Variants in SCD observed in about 807,000 individuals in gnomAD.
SCD encodes the protein stearoyl-CoA desaturase, also known as acyl-CoA desaturase.
SCD carries 4 observed loss-of-function variants against 35.7 expected under a neutral mutation model. That is an observed-to-expected ratio of 0.11 (90% confidence interval 0.06 to 0.26). The LOEUF (loss-of-function observed/expected upper bound fraction) is 0.26. Ranked by LOEUF, SCD falls within the 10% of genes least tolerant of loss-of-function variation. SCD has a pLI of 1.00. For missense variants in SCD, 282 were observed against 460.7 expected (o/e 0.61, Z 3.55); for synonymous variants, 150 against 170.2 (o/e 0.88, Z 0.92).
In SCD at chr10:100,361,998, G is replaced by A. The variant is rs1161599221; in HGVS notation, c.*1065G>A. The A allele has an allele frequency of 1.3e-5, 2 of 152,066 alleles. No individual in the cohort carries two copies. Among genetic ancestry groups the A allele is most frequent in the Non-Finnish European group, 2.9e-5 (2 of 68,024 alleles). The allele number at this position is 152,066 out of a possible 1,614,324, so 9.4% of individuals were successfully genotyped here. A position where few individuals can be genotyped will look rare whatever the true frequency, so the allele number is the denominator to read the frequency against. Reference sequence around the variant, plus strand: ...GGAAGGATTTAAGGAGGTGAAGTCGGGTCAAAAATAAAATATATATACATA... The same window carrying A: ...GGAAGGATTTAAGGAGGTGAAGTCGAGTCAAAAATAAAATATATATACATA... On this transcript the variant is annotated 3_prime_UTR_variant, in exon 6 of 6. Coordinates refer to ENST00000370355, the MANE Select transcript of SCD (RefSeq NM_005063.5).
chr10:100,358,295 C>A (rs970960596), intron 5 of SCD, among the ~76,000 whole-genome samples: 2 of 152,096 alleles, frequency 1.3e-5, no homozygotes, highest in African/African-American at 4.8e-5. Flanking sequence ...TGAGCCACTG[C>A]GCCTGGCCTA....
At position 100,363,292 on chromosome 10, in the gene SCD, G is replaced by A. The variant is rs1258421865; in HGVS notation, c.*2359G>A. ...CTGTAGCTCAGTCATCAAAGCAGAAGTCTGGCTTTGCTCTATTAAGATTGG... is the reference window on the plus strand; with the variant it reads ...CTGTAGCTCAGTCATCAAAGCAGAAATCTGGCTTTGCTCTATTAAGATTGG... On this transcript the variant is annotated 3_prime_UTR_variant, in exon 6 of 6. Transcript: ENST00000370355. The A allele has an allele frequency of 6.6e-6, 1 of 152,306 alleles. No individual in the cohort carries two copies. Among genetic ancestry groups the A allele is most frequent in the African/African-American group, 2.4e-5 (1 of 41,460 alleles). The allele number at this position is 152,306 out of a possible 1,614,324, so 9.4% of individuals were successfully genotyped here.
chr10:100,351,044 A>G (rs1210707804), intron 2 of SCD, among the ~76,000 whole-genome samples: 1 of 152,172 alleles, frequency 6.6e-6, no homozygotes, highest in Non-Finnish European at 1.5e-5. Flanking sequence ...AACACAGGAC[A>G]ATTTGTTACA....
chr10:100,351,934 A>G (rs1338089438), intron 2 of SCD, among the ~76,000 whole-genome samples: 1 of 152,056 alleles, frequency 6.6e-6, no homozygotes, highest in Non-Finnish European at 1.5e-5. Context: ...GGTTCATACT[A>G]CACCTGGCCC....
intron 5 of SCD, among the ~76,000 whole-genome samples, chr10:100,357,618 TC>T (rs1432432379): frequency 1.3e-4 from 20 of 152,154 alleles, no homozygotes; most frequent in African/African-American, 4.8e-4. Flanking sequence ...GTTGATCTTA[TC>T]TTTTCTCTTT....
chr10:100,351,038 C>G (rs1849866426), intron 2 of SCD, among the ~76,000 whole-genome samples: 1 of 152,166 alleles, frequency 6.6e-6, no homozygotes, highest in African/African-American at 2.4e-5. Context: ...CAAAAGAACA[C>G]AGGACAATTT....
intron 1 of SCD, 56 bp downstream of exon 1, chr10:100,347,587 CA>C: frequency 1.2e-6 from 2 of 1,607,608 alleles, no homozygotes; most frequent in Non-Finnish European, 1.7e-6. Flanking sequence ...GCTGGGCTTC[CA>C]GGGGACGGGT....
rs367819749 is a variant in SCD at position 100,360,703 on chromosome 10, G to A, written c.881-31G>A. ...CAAATCAAGAAAACCTCAATGCACC[G>A]TCACTCCATAACTTCTCGCTTTTGT... On this transcript the variant is annotated intron_variant, in intron 5 of 5. Transcript: ENST00000370355. 1.1e-5 allele frequency: 18 copies of A among 1,604,500 alleles called. No homozygotes were observed. The African/African-American group carries it at 1.2e-4, about 11-fold the overall frequency.
Position 100,352,563 on chromosome 10 carries a change from G to A in SCD, c.441+67G>A, listed in dbSNP as rs1481530530. The A allele has an allele frequency of 1.3e-6, 2 of 1,516,840 alleles. No individual in the cohort carries two copies. The highest frequency in any genetic ancestry group is 9.0e-7 in the Non-Finnish European group (1 of 1,105,456). 94.0% of individuals were successfully genotyped at this position (1,516,840 alleles called of 1,614,324 possible). A position where few individuals can be genotyped will look rare whatever the true frequency, so the allele number is the denominator to read the frequency against. ...TTAATGATCCGGGGACAGAAAGGAG[G>A]GATCAGCACCAGAGAGGAGCCACAC... On this transcript the variant is annotated intron_variant, in intron 3 of 5. Coordinates refer to ENST00000370355, the MANE Select transcript of SCD (RefSeq NM_005063.5). The surrounding 1 kb of genome is among the most constrained non-coding windows in gnomAD (Gnocchi z 4.2).
Position 100,356,741 on chromosome 10 carries a change from T to A in SCD, c.857T>A (p.Ile286Asn). 1 of 1,614,230 alleles carries A rather than the reference T, an allele frequency of 6.2e-7. No individual in the cohort carries two copies. The highest frequency in any genetic ancestry group is 1.6e-4 in the Middle Eastern group (1 of 6,062). The stretch of plus-strand genomic sequence containing the variant: ...AAGAACATTAGCCCCCGGGAGAATA[T>A]CCTGGTTTCACTTGGAGCTGTGGGT... ...YDKNISPRENILVSLGAVGEG... is the reference protein window; with the variant it reads ...YDKNISPRENNLVSLGAVGEG... Residue 286 changes from isoleucine to asparagine, a missense_variant, in exon 5 of 6, where the codon ATC (isoleucine) becomes AAC (asparagine). This residue lies in a region of SCD where 205 missense variants were observed against 372.3 expected (regional missense o/e 0.55). Coordinates refer to ENST00000370355, the MANE Select transcript of SCD (RefSeq NM_005063.5). The surrounding 1 kb of genome is among the most constrained non-coding windows in gnomAD (Gnocchi z 4.1).
In SCD at chr10:100,356,468, G is replaced by A; in HGVS notation, c.648-64G>A. On this transcript the variant is annotated intron_variant, in intron 4 of 5. Coordinates refer to ENST00000370355, the MANE Select transcript of SCD (RefSeq NM_005063.5). This position sits in a 1 kb window ranked among gnomAD's most constrained non-coding sequence, Gnocchi z 4.1. ...GACAGCCCATCCCCTCCCAATTAGT[G>A]TGGAAGATCCATGTAGGTGTGGAGT... The A allele has an allele frequency of 2.6e-6, 3 of 1,169,700 alleles. No homozygotes were observed. The highest frequency in any genetic ancestry group is 1.3e-6 in the Non-Finnish European group (1 of 778,580). 72.5% of individuals were successfully genotyped at this position (1,169,700 alleles called of 1,614,324 possible).
Position 100,347,335 on chromosome 10 carries a change from G to T in SCD, c.-170G>T. 4.1e-6 allele frequency: 3 copies of T among 732,348 alleles called. No individual in the cohort carries two copies. The highest frequency in any genetic ancestry group is 5.4e-5 in the East Asian group (2 of 37,006). 45.4% of individuals were successfully genotyped at this position (732,348 alleles called of 1,614,324 possible). On this transcript the variant is annotated 5_prime_UTR_variant, in exon 1 of 6. Transcript: ENST00000370355. Reference sequence around the variant, plus strand: ...TGCCAGCTCTAGCCTTTAAATTCCCGGCTCGGGGACCTCCACGCACCGCGG... The same window carrying T: ...TGCCAGCTCTAGCCTTTAAATTCCCTGCTCGGGGACCTCCACGCACCGCGG...
intron 1 of SCD, 115 bp from the exon 2 acceptor site, chr10:100,347,949 C>T (rs1589697094): frequency 2.9e-6 from 3 of 1,033,660 alleles, no homozygotes; most frequent in East Asian, 4.8e-5. Flanking sequence ...TGAACTACGG[C>T]GCTGCGGAAG....
chr10:100,349,187 T>C (rs1296852539), intron 2 of SCD, among the ~76,000 whole-genome samples: 3 of 152,206 alleles, frequency 2.0e-5, no homozygotes, highest in Non-Finnish European at 4.4e-5. Flanking sequence ...GAGGCTGCTG[T>C]AATGAGGGAG....
At chr10:100,348,368 C>G (rs1240784139) in intron 2 of SCD, 22 bp downstream of exon 2, 1 of 1,608,296 alleles carries the variant, frequency 6.2e-7, no homozygotes, top group Non-Finnish European at 8.5e-7. Context: ...CCCTGTCCTC[C>G]TGACCTAGTC....
Position 100,352,460 on chromosome 10 carries a change from G to A in SCD, c.405G>A (p.Arg135=), listed in dbSNP as rs139004835. The A allele has an allele frequency of 1.2e-6, 2 of 1,613,858 alleles. No homozygotes were observed. Among genetic ancestry groups the A allele is most frequent in the Non-Finnish European group, 1.7e-6 (2 of 1,180,026 alleles). Residue 135 remains arginine (R), a synonymous_variant, in exon 3 of 6, where the codon CGG becomes CGA. Coordinates refer to ENST00000370355, the MANE Select transcript of SCD (RefSeq NM_005063.5). The surrounding 1 kb of genome is among the most constrained non-coding windows in gnomAD (Gnocchi z 4.2). ...CTTACAAAGCTCGGCTGCCCCTACG[G>A]CTCTTTCTGATCATTGCCAACACAA... The part of the protein sequence containing the change: ...HRSYKARLPL[R]LFLIIANTMA...
At chr10:100,359,855 T>C (rs779346981) in intron 5 of SCD, among the ~76,000 whole-genome samples, 1 of 152,238 alleles carries the variant, frequency 6.6e-6, no homozygotes, top group African/African-American at 2.4e-5. Flanking sequence ...TCTCTATCTG[T>C]CGAGTTTCCA....
At chr10:100,350,901 A>G (rs1849864610) in intron 2 of SCD, among the ~76,000 whole-genome samples, 1 of 152,114 alleles carries the variant, frequency 6.6e-6, no homozygotes, top group Non-Finnish European at 1.5e-5. Flanking sequence ...GAATGTGGAG[A>G]GAGCTCTTGT....
At chr10:100,360,324 C>T (rs1365858749) in intron 5 of SCD, among the ~76,000 whole-genome samples, 1 of 152,236 alleles carries the variant, frequency 6.6e-6, no homozygotes, top group African/African-American at 2.4e-5. Context: ...TACCCATTCC[C>T]AAAAGTAGGA....
Sources: allele counts gnomAD v4.1 joint callset (sites outside exome capture counted in the v4.1 genomes callset), GRCh38; gene constraint gnomAD v4.1.1; regional missense constraint gnomAD v4.1.1; non-coding constraint Gnocchi (gnomAD v3.1); transcripts MANE v1.5; gene names NCBI Gene and HGNC (gene_info 2026-07-23, HGNC 2026-07-21).